Variants in EXOSC1 observed in about 807,000 individuals in gnomAD.
EXOSC1 encodes the protein exosome component 1.
Under a neutral mutation model 31.4 loss-of-function variants are expected in EXOSC1, and 27 were observed. The ratio of observed to expected loss-of-function variants is 0.86; its 90% CI spans 0.63 to 1.18. The LOEUF is 1.18. Ranked by LOEUF, EXOSC1 falls within the 50% of genes most tolerant of loss-of-function variation. The pLI is 0.00. For synonymous variants in EXOSC1, 84 were observed against 89.5 expected, an observed-to-expected ratio of 0.94 and a Z score of 0.35; for missense variants, 228 against 250.3, an observed-to-expected ratio of 0.91 and a Z score of 0.60.
At chr10:97,443,388 T>C (rs1232542801) in intron 2 of EXOSC1, 77 bp from the exon 3 acceptor site, 9 of 1,241,096 alleles carry the variant, frequency 7.3e-6, no homozygotes, top group Admixed American at 5.6e-5. Context: ...GAGAGTAATA[T>C]AGGAATGTCT....
intron 7 of EXOSC1, 135 bp downstream of exon 7, chr10:97,437,056 A>G: frequency 1.2e-6 from 1 of 841,632 alleles, no homozygotes; most frequent in South Asian, 1.6e-5. Context: ...AAAGAAAAAA[A>G]TAATCATTCT....
chr10:97,444,595 T>A (rs1415442421), intron 2 of EXOSC1: 1 of 152,248 alleles, frequency 6.6e-6, no homozygotes, highest in Non-Finnish European at 1.5e-5. Flanking sequence ...ACAATTTGTG[T>A]CTGTGTCCTT....
At chr10:97,440,941 C>T (rs1003560368) in intron 4 of EXOSC1, 14 of 349,608 alleles carry the variant, frequency 4.0e-5, no homozygotes, top group Admixed American at 1.4e-4. Context: ...CGTGAGCCAC[C>T]GCGCCCAGCC....
At chr10:97,439,377 A>G (rs1845644459) in intron 4 of EXOSC1, among the ~76,000 whole-genome samples, 5 of 152,170 alleles carry the variant, frequency 3.3e-5, no homozygotes, top group Admixed American at 3.3e-4. Flanking sequence ...GCTGCTTCCC[A>G]ATCGCATACA....
At chr10:97,443,596 C>T (rs1845784300) in intron 2 of EXOSC1, among the ~76,000 whole-genome samples, 1 of 152,186 alleles carries the variant, frequency 6.6e-6, no homozygotes, top group African/African-American at 2.4e-5. Flanking sequence ...GATCTCGGCT[C>T]ACTGCAAGGT....
chr10:97,445,610 A>G lies in EXOSC1; in HGVS notation c.147+122T>C, dbSNP rs1845929262. ...GCGGCGATACGGCTAGAAGAAACTA[A>G]GAGACCAACATTGTACCACTGAGGC... On this transcript the variant is annotated intron_variant, in intron 2 of 7. Transcript: ENST00000370902. The G allele has an allele frequency of 9.6e-6, 8 of 835,824 alleles. No homozygotes were observed. In the South Asian group the frequency reaches 1.4e-4, roughly 15 times the overall value. 51.8% of individuals were successfully genotyped at this position (835,824 alleles called of 1,614,324 possible).
chr10:97,440,950 C>T, intron 4 of EXOSC1: 1 of 385,850 alleles, frequency 2.6e-6, no homozygotes, highest in Non-Finnish European at 4.7e-6. Context: ...CCGCGCCCAG[C>T]CTTTGCTTTA....
chr10:97,437,506 C>CCTCCTTCTCTTCTTTTGACAAAGGA (rs1184083835), intron 6 of EXOSC1, among the ~76,000 whole-genome samples, 194 bp downstream of exon 6: 3 of 152,128 alleles, frequency 2.0e-5, no homozygotes, highest in African/African-American at 7.2e-5. Flanking sequence ...TGCCACCACG[C>CCTCCTTCTCTTCTTTTGACAAAGGA]CCAGCTAATT....
chr10:97,445,554 C>T, intron 2 of EXOSC1, 178 bp downstream of exon 2: 1 of 627,190 alleles, frequency 1.6e-6, no homozygotes, highest in Non-Finnish European at 2.8e-6. Flanking sequence ...GAGATCAACA[C>T]AACTAGTGTG....
At chr10:97,444,809 C>T (rs1302978525) in intron 2 of EXOSC1, 1 of 152,184 alleles carries the variant, frequency 6.6e-6, no homozygotes, top group Non-Finnish European at 1.5e-5. Flanking sequence ...ATTCTGAATC[C>T]TCTTTCTATT....
intron 6 of EXOSC1, 84 bp downstream of exon 6, chr10:97,437,615 TG>T: frequency 7.5e-7 from 1 of 1,327,382 alleles, no homozygotes. Flanking sequence ...CCGAAAGTGC[TG>T]GGATTACAGG....
chr10:97,441,200 A>T lies in EXOSC1; in HGVS notation c.282T>A (p.Pro94=), dbSNP rs1484911685. ...KVHILYVGSM[P]LKNSFRGTIR... The stretch of plus-strand genomic sequence containing the variant: ...TAGTTCCTCGAAAAGAGTTCTTAAG[A>T]GGCATGGACCCCACATACAGGATGT... The change falls in exon 4 of 8, where the codon CCT becomes CCA. Residue 94 remains proline (P), a synonymous_variant. Coordinates refer to ENST00000370902, the MANE Select transcript of EXOSC1 (RefSeq NM_016046.5). 1 of 1,613,958 alleles carries T rather than the reference A, an allele frequency of 6.2e-7. No homozygotes were observed. The highest frequency in any genetic ancestry group is 8.5e-7 in the Non-Finnish European group (1 of 1,179,954).
At chr10:97,441,362 AC>A (rs1006893433) in intron 3 of EXOSC1, 103 bp from the exon 4 acceptor site, 1 of 846,294 alleles carries the variant, frequency 1.2e-6, no homozygotes, top group Non-Finnish European at 1.9e-6. Flanking sequence ...AAGCAACCCT[AC>A]TAAGTAGAGA....
chr10:97,436,981 A>T (rs1845557642), intron 7 of EXOSC1, among the ~76,000 whole-genome samples: 1 of 152,188 alleles, frequency 6.6e-6, no homozygotes, highest in Non-Finnish European at 1.5e-5. Flanking sequence ...GCACCACTGC[A>T]CTCCAGCCTC....
intron 3 of EXOSC1, 131 bp from the exon 4 acceptor site, chr10:97,441,390 C>T (rs1845709656): frequency 1.6e-6 from 1 of 625,844 alleles, no homozygotes; most frequent in Non-Finnish European, 2.8e-6. Flanking sequence ...GACAAATTAA[C>T]TCCTACTTCT....
At chr10:97,445,479 G>T in intron 2 of EXOSC1, 1 of 559,024 alleles carries the variant, frequency 1.8e-6, no homozygotes, top group Non-Finnish European at 3.2e-6. Flanking sequence ...GCTGGGATGG[G>T]ATACTGAGTT....
chr10:97,440,319 T>C (rs1278499624), intron 4 of EXOSC1, among the ~76,000 whole-genome samples: 6 of 152,042 alleles, frequency 3.9e-5, no homozygotes, highest in African/African-American at 1.4e-4. Flanking sequence ...AAACTTCAGC[T>C]TCACTCAATT....
chr10:97,441,420 G>A (rs946986892), intron 3 of EXOSC1, among the ~76,000 whole-genome samples, 161 bp from the exon 4 acceptor site: 1 of 150,006 alleles, frequency 6.7e-6, no homozygotes. Context: ...AGTGACACAT[G>A]TAAAGAGGAA....
Position 97,436,486 on chromosome 10 carries a change from G to A in EXOSC1, c.547C>T (p.Arg183Trp), listed in dbSNP as rs145472895. Residue 183 changes from arginine to tryptophan, a missense_variant, in exon 8 of 8, where the codon CGG (arginine) becomes TGG (tryptophan). Arg to Trp is a moderately radical substitution (Grantham distance 101). Transcript: ENST00000370902. ...QCPKTHTKEF[R>W]KVARVQPEFL... ...TCGGGTTGTACTCGGGCTACTTTCCGGAATTCTTTAGTGTGGGTCTTAGGG... is the reference window on the plus strand; with the variant it reads ...TCGGGTTGTACTCGGGCTACTTTCCAGAATTCTTTAGTGTGGGTCTTAGGG... The A allele has an allele frequency of 3.8e-5, 61 of 1,613,320 alleles. No homozygotes were observed. Among genetic ancestry groups the A allele is most frequent in the Non-Finnish European group, 4.7e-5 (56 of 1,179,712 alleles).
Sources: gnomAD v4.1 joint callset for allele counts (sites outside exome capture counted in the v4.1 genomes callset) on GRCh38, gnomAD v4.1.1 for gene constraint, MANE v1.5 for transcripts, NCBI Gene and HGNC (gene_info 2026-07-23, HGNC 2026-07-21) for gene names.